Variants in CNOT4 observed in about 807,000 individuals in gnomAD.
CNOT4 encodes the protein CCR4-associated factor 4.
Under a neutral mutation model 73.8 loss-of-function variants are expected in CNOT4, and 8 were observed. The observed-to-expected ratio is 0.11, with a 90% confidence interval of 0.06 to 0.20. CNOT4 has a LOEUF of 0.20. CNOT4 is among the 10% of genes least tolerant of loss of function. The pLI, the probability that CNOT4 is intolerant of heterozygous loss-of-function variation, is 1.00. For missense variants in CNOT4, 564 were observed against 883.4 expected (o/e 0.64, Z 4.58); for synonymous variants, 293 against 321.1 (o/e 0.91, Z 0.94).
At chr7:135,428,288 C>T (rs1032301089) in intron 2 of CNOT4, among the ~76,000 whole-genome samples, 5 of 152,164 alleles carry the variant, frequency 3.3e-5, no homozygotes, top group Middle Eastern at 3.4e-3. Context: ...CTTGGGGAAC[C>T]TTACAAATAA....
chr7:135,484,984 G>A lies in CNOT4; in HGVS notation c.-93+24905C>T, dbSNP rs111431656. ...GAAGAGACTTACTATGTTCATTGACGGGAAAATATAACATAGTAAAGATAT... is the reference window on the plus strand; with the variant it reads ...GAAGAGACTTACTATGTTCATTGACAGGAAAATATAACATAGTAAAGATAT... On this transcript the variant is annotated intron_variant, in intron 1 of 11. Transcript: ENST00000541284. 7.2e-5 allele frequency among the ~76,000 whole-genome samples: 11 copies of A among 152,192 alleles called. 1 individual carries two copies. Among genetic ancestry groups the A allele is most frequent in the South Asian group, 2.1e-4 (1 of 4,824 alleles).
intron 10 of CNOT4, among the ~76,000 whole-genome samples, chr7:135,374,128 G>T (rs1035636078): frequency 1.3e-5 from 2 of 152,130 alleles, no homozygotes; most frequent in Non-Finnish European, 2.9e-5. Context: ...CATTGGAAAA[G>T]TCCTTATATA....
chr7:135,490,584 A>C (rs1803043980), intron 1 of CNOT4, among the ~76,000 whole-genome samples: 1 of 152,188 alleles, frequency 6.6e-6, no homozygotes, highest in Non-Finnish European at 1.5e-5. Context: ...TGGAAAAGAC[A>C]AGTGTTAGTG....
chr7:135,408,189 T>A (rs1214725429), intron 7 of CNOT4, among the ~76,000 whole-genome samples: 3 of 152,202 alleles, frequency 2.0e-5, no homozygotes, highest in Non-Finnish European at 4.4e-5. Flanking sequence ...AACATTTATA[T>A]GTAAAGATGT....
intron 1 of CNOT4, chr7:135,444,610 C>T (rs920637020): frequency 3.0e-5 from 40 of 1,317,158 alleles, no homozygotes; most frequent in African/African-American, 1.7e-4. Context: ...CACTTGTCAC[C>T]GAGCCACCAT....
intron 10 of CNOT4, among the ~76,000 whole-genome samples, chr7:135,392,883 A>T (rs1269215350): frequency 6.6e-6 from 1 of 152,142 alleles, no homozygotes; most frequent in Non-Finnish European, 1.5e-5. Context: ...CCTTGCTAAA[A>T]ACAAGAGCGT....
intron 1 of CNOT4, among the ~76,000 whole-genome samples, chr7:135,494,279 G>A (rs1346875052): frequency 7.6e-4 from 116 of 151,750 alleles, no homozygotes; most frequent in Admixed American, 1.8e-3. Flanking sequence ...AGACCAGCCT[G>A]GCCAACATGG....
At chr7:135,478,809 A>C (rs1215246871) in intron 1 of CNOT4, among the ~76,000 whole-genome samples, 31 of 152,202 alleles carry the variant, frequency 2.0e-4, no homozygotes, top group Admixed American at 2.0e-3. Context: ...AGTCAAAAAC[A>C]CCAAAAAATA....
intron 2 of CNOT4, among the ~76,000 whole-genome samples, chr7:135,435,300 T>C (rs952339565): frequency 6.6e-6 from 1 of 152,184 alleles, no homozygotes; most frequent in African/African-American, 2.4e-5. Flanking sequence ...CATTTTTAGT[T>C]CACTCCTCTG....
chr7:135,406,316 A>C (rs928723365), intron 7 of CNOT4, among the ~76,000 whole-genome samples: 54 of 70,248 alleles, frequency 7.7e-4, no homozygotes, highest in East Asian at 1.1e-3. Flanking sequence ...CCTCCCCCCC[A>C]AAAAAAGTTT....
intron 1 of CNOT4, among the ~76,000 whole-genome samples, chr7:135,478,018 TGTG>T (rs991526265): frequency 9.9e-5 from 15 of 152,254 alleles, no homozygotes; most frequent in African/African-American, 2.4e-4. Context: ...TAAAATCAAA[TGTG>T]GTGTTATCTG....
chr7:135,406,273 C>T (rs1399552254), intron 7 of CNOT4, among the ~76,000 whole-genome samples: 3 of 151,320 alleles, frequency 2.0e-5, no homozygotes, highest in Non-Finnish European at 2.9e-5. Flanking sequence ...TTTAGGTAAC[C>T]GCATTAAAAC....
In CNOT4 at chr7:135,362,557, T is replaced by G. The variant is rs1008465778; in HGVS notation, c.*328A>C. 3 of 437,550 alleles carry G rather than the reference T, an allele frequency of 6.9e-6. No individual in the cohort carries two copies. In the East Asian group the frequency reaches 1.5e-4, roughly 21 times the overall value. The allele number at this position is 437,550 out of a possible 1,614,324, so 27.1% of individuals were successfully genotyped here. A position where few individuals can be genotyped will look rare whatever the true frequency, so the allele number is the denominator to read the frequency against. The stretch of plus-strand genomic sequence containing the variant: ...AATCGTCATTTTCTGCTAAGCAGAT[T>G]ATGTCATTATTATGCGCAACAGACA... On this transcript the variant is annotated 3_prime_UTR_variant, in exon 12 of 12. Transcript: ENST00000541284.
chr7:135,430,330 G>C (rs1798738268), intron 2 of CNOT4, among the ~76,000 whole-genome samples: 1 of 152,110 alleles, frequency 6.6e-6, no homozygotes, highest in Non-Finnish European at 1.5e-5. Context: ...TCTTTGAGAA[G>C]AAAAGGTGAT....
chr7:135,503,979 A>G lies in CNOT4; in HGVS notation c.-93+5910T>C, dbSNP rs112245486. ...GGAAAAAAGGAAAAAAGTTGCTACA[A>G]CCAATGTTCAATAACACAAATCAGC... is the stretch of plus-strand genomic sequence containing the variant. On this transcript the variant is annotated intron_variant, in intron 1 of 11. Coordinates refer to ENST00000541284, the MANE Select transcript of CNOT4 (RefSeq NM_001190850.2). Among the ~76,000 whole-genome samples the G allele has an allele frequency of 2.6e-5, 4 of 152,308 alleles. 1 individual carries two copies. The highest frequency in any genetic ancestry group is 9.6e-5 in the African/African-American group (4 of 41,576).
chr7:135,437,885 T>G (rs577179781), intron 2 of CNOT4, among the ~76,000 whole-genome samples: 3 of 152,288 alleles, frequency 2.0e-5, no homozygotes, highest in Non-Finnish European at 4.4e-5. Flanking sequence ...TGACCATGTC[T>G]TTCTCCTCGG....
chr7:135,425,186 A>G (rs905437408), intron 2 of CNOT4, among the ~76,000 whole-genome samples: 16 of 152,272 alleles, frequency 1.1e-4, no homozygotes, highest in Admixed American at 6.5e-4. Context: ...CTGGTTCTTC[A>G]TCACAGAAGG....
chr7:135,502,315 C>G (rs1371855390), intron 1 of CNOT4, among the ~76,000 whole-genome samples: 2 of 152,212 alleles, frequency 1.3e-5, no homozygotes, highest in African/African-American at 2.4e-5. Context: ...TCATCTTCTT[C>G]AGGAAGCCTC....
In CNOT4 at chr7:135,362,964, G is replaced by T. The variant is rs1794717856; in HGVS notation, c.2063C>A (p.Pro688Gln). 6.8e-6 allele frequency: 11 copies of T among 1,612,660 alleles called. No individual in the cohort carries two copies. Among genetic ancestry groups the T allele is most frequent in the Non-Finnish European group, 9.3e-6 (11 of 1,179,140 alleles). ...GGGTCTGAAGGCTGTCTGAAAGCCTGGGGGTGGGGAGTGGAAGCTGGAAGG... is the reference window on the plus strand; with the variant it reads ...GGGTCTGAAGGCTGTCTGAAAGCCTTGGGGTGGGGAGTGGAAGCTGGAAGG... ...SNPSSFHSPPPGFQTAFRPPS... is the reference protein window; with the variant it reads ...SNPSSFHSPPQGFQTAFRPPS... The change falls in exon 12 of 12, where the codon CCA (proline) becomes CAA (glutamine). Residue 688 changes from proline to glutamine, a missense_variant. Around this residue, in one of 10 missense-constraint regions of CNOT4, gnomAD observed 88 missense variants for 94.7 expected, o/e 0.93. Transcript: ENST00000541284.
Sources: allele counts gnomAD v4.1 joint callset (sites outside exome capture counted in the v4.1 genomes callset), GRCh38; gene constraint gnomAD v4.1.1; regional missense constraint gnomAD v4.1.1; transcripts MANE v1.5; gene names NCBI Gene and HGNC (gene_info 2026-07-23, HGNC 2026-07-21).